RANBP17: variants seen among roughly 807,000 people sequenced by gnomAD.
The protein encoded by RANBP17 is ran-binding protein 17.
RANBP17 carries 158 observed loss-of-function variants against 141.2 expected under a neutral mutation model. The observed-to-expected ratio is 1.12, with a 90% confidence interval of 0.98 to 1.28. RANBP17 has a LOEUF of 1.28. RANBP17 is among the 50% of genes most tolerant of loss of function. The pLI is 0.00. For synonymous variants in RANBP17, 430 were observed against 450.0 expected, an observed-to-expected ratio of 0.96 and a Z score of 0.56; for missense variants, 1,438 against 1,290.7, an observed-to-expected ratio of 1.11 and a Z score of -1.75.
intron 14 of RANBP17, among the ~76,000 whole-genome samples, chr5:171,051,658 G>T (rs561445423): frequency 1.3e-5 from 2 of 152,066 alleles, no homozygotes; most frequent in Non-Finnish European, 2.9e-5. Flanking sequence ...GATTTGAGAT[G>T]ATTTCACCTT....
chr5:171,033,872 G>A (rs1240880715), intron 14 of RANBP17, among the ~76,000 whole-genome samples: 1 of 152,136 alleles, frequency 6.6e-6, no homozygotes, highest in Admixed American at 6.6e-5. Flanking sequence ...ATCTCATTGT[G>A]ATTTGATACC....
intron 14 of RANBP17, among the ~76,000 whole-genome samples, chr5:171,147,957 G>A (rs899258351): frequency 9.2e-5 from 14 of 152,306 alleles, no homozygotes; most frequent in African/African-American, 3.4e-4. Context: ...AGGCGGGAAA[G>A]GTGGGCAAAA....
At chr5:171,223,332 C>T (rs1156389758) in intron 22 of RANBP17, among the ~76,000 whole-genome samples, 1 of 152,134 alleles carries the variant, frequency 6.6e-6, no homozygotes. Flanking sequence ...AAAATAGACA[C>T]ATTAAAATCA....
chr5:171,048,802 G>A (rs77452465), intron 14 of RANBP17, among the ~76,000 whole-genome samples: 4,988 of 152,176 alleles, frequency 0.033, 272 homozygotes, highest in African/African-American at 0.11. Flanking sequence ...TGCTGCAGAG[G>A]GCATAATCTC....
intron 14 of RANBP17, among the ~76,000 whole-genome samples, chr5:171,046,075 G>A (rs965563300): frequency 1.6e-4 from 25 of 151,926 alleles, no homozygotes; most frequent in African/African-American, 4.8e-4. Flanking sequence ...CCAAATTATA[G>A]CAACACTAAT....
Position 170,919,468 on chromosome 5 carries a change from C to G in RANBP17, c.1129C>G (p.His377Asp). 2 of 1,601,618 alleles carry G rather than the reference C, an allele frequency of 1.2e-6. No homozygotes were observed. Among genetic ancestry groups the G allele is most frequent in the South Asian group, 1.1e-5 (1 of 88,420 alleles). Reference sequence around the variant, plus strand: ...CTGGGAATTTGCTCCTAACAGTGTTCATTATTTATTAACTCTGTGGCAAAG... The same window carrying G: ...CTGGGAATTTGCTCCTAACAGTGTTGATTATTTATTAACTCTGTGGCAAAG... ...QHWEFAPNSVHYLLTLWQRMV... is the reference protein window; with the variant it reads ...QHWEFAPNSVDYLLTLWQRMV... The change falls in exon 11 of 28, where the codon CAT (histidine) becomes GAT (aspartate). Residue 377 changes from histidine (H) to aspartate (D), a missense_variant. His to Asp is a moderately conservative substitution (Grantham distance 81). Transcript: ENST00000523189.
At chr5:171,179,074 G>GT (rs1760712755) in intron 16 of RANBP17, among the ~76,000 whole-genome samples, 1 of 152,114 alleles carries the variant, frequency 6.6e-6, no homozygotes, top group African/African-American at 2.4e-5. Context: ...TACTTTTGAT[G>GT]TTTTAGTCAT....
At chr5:171,055,573 G>T (rs1783286926) in intron 14 of RANBP17, among the ~76,000 whole-genome samples, 3 of 152,046 alleles carry the variant, frequency 2.0e-5, no homozygotes. Context: ...TCTCAAACAA[G>T]ACTTTTTTTC....
At chr5:170,958,486 G>A (rs191898069) in intron 13 of RANBP17, among the ~76,000 whole-genome samples, 1 of 152,192 alleles carries the variant, frequency 6.6e-6, no homozygotes, top group East Asian at 1.9e-4. Flanking sequence ...CATATTCTAG[G>A]ACTTACACAA....
chr5:171,005,852 A>C (rs1405112719), intron 14 of RANBP17, among the ~76,000 whole-genome samples: 1 of 152,230 alleles, frequency 6.6e-6, no homozygotes, highest in East Asian at 1.9e-4. Context: ...TCATCTGACA[A>C]AGGGCTAATA....
At chr5:171,229,367 C>G (rs188024819) in intron 22 of RANBP17, among the ~76,000 whole-genome samples, 9 of 152,216 alleles carry the variant, frequency 5.9e-5, no homozygotes, top group African/African-American at 2.2e-4. Context: ...ATCCATGCAC[C>G]TAACATTTGT....
At chr5:171,142,513 T>C (rs1757774261) in intron 14 of RANBP17, among the ~76,000 whole-genome samples, 1 of 152,296 alleles carries the variant, frequency 6.6e-6, no homozygotes, top group African/African-American at 2.4e-5. Flanking sequence ...ATCACAAATA[T>C]TAATTATTGC....
At chr5:170,889,237 G>A (rs1305978157) in intron 3 of RANBP17, among the ~76,000 whole-genome samples, 2 of 151,644 alleles carry the variant, frequency 1.3e-5, no homozygotes, top group African/African-American at 4.8e-5. Flanking sequence ...TTCCATCAGA[G>A]GATTTTTAGT....
chr5:171,013,530 T>C (rs570959614), intron 14 of RANBP17, among the ~76,000 whole-genome samples: 33 of 152,302 alleles, frequency 2.2e-4, no homozygotes, highest in Non-Finnish European at 4.4e-4. Context: ...GGCTATCCTT[T>C]CTTCCATTTA....
intron 11 of RANBP17, among the ~76,000 whole-genome samples, chr5:170,923,690 T>C (rs1390322948): frequency 6.6e-6 from 1 of 152,212 alleles, no homozygotes; most frequent in African/African-American, 2.4e-5. Context: ...TTTTATGGTA[T>C]TTAGCCTTCA....
rs192521510 is a variant in RANBP17 at position 171,126,086 on chromosome 5, G to A, written c.1711-44044G>A. On this transcript the variant is annotated intron_variant, in intron 14 of 27. Coordinates refer to ENST00000523189, the MANE Select transcript of RANBP17 (RefSeq NM_022897.5). ...CAGGTGTGAGCCACTACGCCCAGCC[G>A]TAAATTTTTAAAAATTGAAATTATG... Among the ~76,000 whole-genome samples the A allele has an allele frequency of 1.3e-3, 198 of 151,958 alleles. 3 individuals are homozygous for A. The Middle Eastern group carries it at 0.024, about 18-fold the overall frequency.
chr5:171,089,444 C>G (rs931395754), intron 14 of RANBP17, among the ~76,000 whole-genome samples: 5 of 152,002 alleles, frequency 3.3e-5, no homozygotes, highest in African/African-American at 1.2e-4. Context: ...GAGGTGGAGC[C>G]TACAGAGGCA....
intron 14 of RANBP17, among the ~76,000 whole-genome samples, chr5:170,971,596 A>G (rs991779281): frequency 3.3e-5 from 5 of 152,118 alleles, no homozygotes; most frequent in African/African-American, 1.2e-4. Context: ...CCAAAAAGGA[A>G]CTCACTATCT....
chr5:171,022,672 T>A (rs1780951882), intron 14 of RANBP17, among the ~76,000 whole-genome samples: 1 of 152,190 alleles, frequency 6.6e-6, no homozygotes, highest in Admixed American at 6.5e-5. Flanking sequence ...AGCCTGGAGC[T>A]ATACAGAGGG....
Sources: allele counts gnomAD v4.1 joint callset (sites outside exome capture counted in the v4.1 genomes callset), GRCh38; gene constraint gnomAD v4.1.1; transcripts MANE v1.5; gene names NCBI Gene and HGNC (gene_info 2026-07-23, HGNC 2026-07-21).